DTNB: variants seen among roughly 807,000 people sequenced by gnomAD.
The protein encoded by DTNB is DTN-B.
In DTNB, 63 loss-of-function variants were observed where a neutral mutation model predicts 90.7. The observed-to-expected ratio is 0.69, with a 90% CI of 0.57 to 0.86. DTNB has a LOEUF of 0.86. Ranked by LOEUF, DTNB falls within the 40% of genes least tolerant of loss-of-function variation. The pLI is 0.00. For synonymous variants in DTNB, 277 were observed against 286.7 expected, an observed-to-expected ratio of 0.97 and a Z score of 0.34; for missense variants, 744 against 807.1, an observed-to-expected ratio of 0.92 and a Z score of 0.95.
intron 9 of DTNB, among the ~76,000 whole-genome samples, chr2:25,499,423 G>C (rs1461791336): frequency 2.0e-5 from 3 of 152,148 alleles, no homozygotes; most frequent in Admixed American, 2.0e-4. Flanking sequence ...GGGGATCTGA[G>C]GATGCCACAT....
At chr2:25,415,548 T>C (rs1023838414) in intron 16 of DTNB, among the ~76,000 whole-genome samples, 8 of 152,144 alleles carry the variant, frequency 5.3e-5, no homozygotes, top group Non-Finnish European at 1.2e-4. Context: ...TCGGGAATCT[T>C]GGATAGCTTC....
chr2:25,416,472 G>C (rs1043013572), intron 16 of DTNB, among the ~76,000 whole-genome samples: 2 of 152,206 alleles, frequency 1.3e-5, no homozygotes, highest in Non-Finnish European at 2.9e-5. Flanking sequence ...AGGAGTCCGA[G>C]ACCAGTGTGG....
In DTNB at chr2:25,385,972, G is replaced by C. The variant is rs139747425; in HGVS notation, c.1825+1317C>G. ...ATTCCCTGAGAAATTTCCTCTAAAA[G>C]TGGGATTTCTGACATCTGTGGGGAG... On this transcript the variant is annotated intron_variant, in intron 18 of 20. Coordinates refer to ENST00000406818, the MANE Select transcript of DTNB (RefSeq NM_021907.5). The C allele has an allele frequency of 3.1e-6, 3 of 964,296 alleles. No homozygotes were observed. The African/African-American group carries it at 5.3e-5, about 17-fold the overall frequency. 59.7% of individuals were successfully genotyped at this position (964,296 alleles called of 1,614,324 possible).
chr2:25,451,443 C>A, intron 12 of DTNB, 105 bp downstream of exon 12: 1 of 1,221,374 alleles, frequency 8.2e-7, no homozygotes, highest in Non-Finnish European at 1.1e-6. Flanking sequence ...AAAGTGTCCC[C>A]GAGGTACCTG....
At position 25,420,520 on chromosome 2, in the gene DTNB, A is replaced by ATCTATCTATCTG. The variant is rs869201592; in HGVS notation, c.1555-986_1555-985insCAGATAGATAGA. On this transcript the variant is annotated intron_variant, in intron 15 of 20. Transcript: ENST00000406818. ...TATCTATCTATCTATCTATCTATCT[A>ATCTATCTATCTG]TCTGTCTGTCTATCGACAGAGTTTC... Among the ~76,000 whole-genome samples the ATCTATCTATCTG allele has an allele frequency of 2.4e-3, 216 of 89,220 alleles. 1 individual carries two copies. The highest frequency in any genetic ancestry group is 6.2e-3 in the African/African-American group (200 of 32,368). The allele number at this position is 89,220 out of a possible 152,430, so 58.5% of individuals were successfully genotyped here. A position where few individuals can be genotyped will look rare whatever the true frequency, so the allele number is the denominator to read the frequency against.
At chr2:25,446,341 A>G (rs1190417718) in intron 12 of DTNB, among the ~76,000 whole-genome samples, 1 of 152,022 alleles carries the variant, frequency 6.6e-6, no homozygotes, top group East Asian at 1.9e-4. Flanking sequence ...GGCTCAAGCA[A>G]TTCTCCCACG....
rs369074636 is a variant in DTNB, at chr2:25,504,453, AAAGG to A, written c.1002-21584_1002-21581del. ...GAAAGAAGGAAAGAGAGAAGGAAAGAAAGGAAGGAAGGAAGGAAGGAAAGAAGGA... is the reference window on the plus strand; with the variant it reads ...GAAAGAAGGAAAGAGAGAAGGAAAGAAAGGAAGGAAGGAAGGAAAGAAGGA... On this transcript the variant is annotated intron_variant, in intron 9 of 20. Transcript: ENST00000406818. Among the ~76,000 whole-genome samples the A allele has an allele frequency of 3.6e-3, 546 of 149,622 alleles. 1 individual carries two copies. Among genetic ancestry groups the A allele is most frequent in the African/African-American group, 7.1e-3 (290 of 40,718 alleles).
intron 16 of DTNB, among the ~76,000 whole-genome samples, chr2:25,405,567 A>AT (rs908738839): frequency 5.3e-5 from 8 of 150,598 alleles, no homozygotes; most frequent in Admixed American, 4.6e-4. Context: ...AAAATGTTCT[A>AT]TTTTTTTTCC....
At chr2:25,638,987 T>C (rs1448602452) in intron 3 of DTNB, 27 bp downstream of exon 3, 3 of 1,546,070 alleles carry the variant, frequency 1.9e-6, no homozygotes, top group Middle Eastern at 3.6e-4. Flanking sequence ...TATCCAGCTA[T>C]CACAGAAATG....
At chr2:25,628,133 T>C in intron 4 of DTNB, 38 bp downstream of exon 4, 2 of 1,595,248 alleles carry the variant, frequency 1.3e-6, no homozygotes, top group Non-Finnish European at 1.7e-6. Flanking sequence ...CAGGTGTTCT[T>C]AAAATGAAGT....
chr2:25,670,297 T>G (rs1469070675), intron 1 of DTNB, among the ~76,000 whole-genome samples: 1 of 152,238 alleles, frequency 6.6e-6, no homozygotes, highest in Non-Finnish European at 1.5e-5. Flanking sequence ...ACATAGAGAA[T>G]AGCCTGGAAA....
rs2077685592 is a variant in DTNB at position 25,639,105 on chromosome 2, G to A, written c.68-11C>T. 19 of 1,563,702 alleles carry A rather than the reference G, an allele frequency of 1.2e-5. No individual in the cohort carries two copies. In the East Asian group the frequency reaches 4.4e-4, roughly 36 times the overall value. On this transcript the variant is annotated splice_polypyrimidine_tract_variant and intron_variant, in intron 2 of 20. Transcript: ENST00000406818. ...CAAAATTCTGAGCACCTGAAAAAAG[G>A]CAAACAGAAATGCTCAACTAGATTT...
chr2:25,636,697 T>C (rs187537124), intron 3 of DTNB, among the ~76,000 whole-genome samples: 1 of 152,278 alleles, frequency 6.6e-6, no homozygotes, highest in Non-Finnish European at 1.5e-5. Flanking sequence ...CATCCAGATA[T>C]CAGAACACAT....
chr2:25,531,611 G>C lies in DTNB; in HGVS notation c.877-14C>G. 1 of 1,612,150 alleles carries C rather than the reference G, an allele frequency of 6.2e-7. No individual in the cohort carries two copies. The highest frequency in any genetic ancestry group is 1.7e-5 in the Admixed American group (1 of 59,476). ...TGCAGGAGATTTCTGTGTCAAAGCA[G>C]AAAATAGTAAGGAATTAACCCTTCA... On this transcript the variant is annotated splice_polypyrimidine_tract_variant and intron_variant, in intron 8 of 20. Transcript: ENST00000406818.
At chr2:25,506,918 A>T (rs1367644624) in intron 9 of DTNB, among the ~76,000 whole-genome samples, 1 of 152,190 alleles carries the variant, frequency 6.6e-6, no homozygotes, top group East Asian at 1.9e-4. Context: ...AAAATTCAAT[A>T]ATTAACACAA....
Position 25,419,477 on chromosome 2 carries a change from G to A in DTNB, c.1575+38C>T, listed in dbSNP as rs368691738. 12 of 1,556,446 alleles carry A rather than the reference G, an allele frequency of 7.7e-6. No homozygotes were observed. The African/African-American group carries it at 1.4e-4, about 18-fold the overall frequency. On this transcript the variant is annotated intron_variant, in intron 16 of 20. Coordinates refer to ENST00000406818, the MANE Select transcript of DTNB (RefSeq NM_021907.5). ...ATGAGGAAAGGAAGAACGTGCAAAG[G>A]AGCGAGAGTCCGGCGGGAAATTCCG...
At chr2:25,389,541 G>C (rs925874159) in intron 16 of DTNB, among the ~76,000 whole-genome samples, 1 of 152,230 alleles carries the variant, frequency 6.6e-6, no homozygotes, top group Non-Finnish European at 1.5e-5. Flanking sequence ...ACTAATCAAG[G>C]GCCGCTCACT....
At chr2:25,623,519 T>A (rs1339195261) in intron 4 of DTNB, among the ~76,000 whole-genome samples, 1 of 152,164 alleles carries the variant, frequency 6.6e-6, no homozygotes, top group East Asian at 1.9e-4. Flanking sequence ...AGGCTTCACC[T>A]AAAGGTAATC....
intron 9 of DTNB, among the ~76,000 whole-genome samples, chr2:25,512,415 A>G (rs2074131690): frequency 6.6e-6 from 1 of 152,236 alleles, no homozygotes; most frequent in Non-Finnish European, 1.5e-5. Flanking sequence ...AAATCAGTAT[A>G]AAGTTCAGTC....
Sources: allele counts gnomAD v4.1 joint callset (sites outside exome capture counted in the v4.1 genomes callset), GRCh38; gene constraint gnomAD v4.1.1; transcripts MANE v1.5; gene names NCBI Gene and HGNC (gene_info 2026-07-23, HGNC 2026-07-21).